MDGA2: variants seen among roughly 807,000 people sequenced by gnomAD.
MDGA2 encodes MAM domain-containing glycosylphosphatidylinositol anchor protein 2.
MDGA2 carries 40 observed loss-of-function variants against 117.8 expected under a neutral mutation model. That is an observed-to-expected ratio of 0.34 (90% CI 0.26 to 0.44). MDGA2 has a LOEUF of 0.44. MDGA2 is among the 20% of genes least tolerant of loss of function. The pLI is 1.00. For synonymous variants in MDGA2, 452 were observed against 439.0 expected (o/e 1.03, Z -0.37); for missense variants, 1,123 against 1,250.6 (o/e 0.90, Z 1.54).
chr14:46,924,710 A>C (rs1432929201), intron 9 of MDGA2, among the ~76,000 whole-genome samples: 1 of 152,120 alleles, frequency 6.6e-6, no homozygotes, highest in Non-Finnish European at 1.5e-5. Context: ...ACAGACAACA[A>C]ATTCTGATAC....
intron 11 of MDGA2, among the ~76,000 whole-genome samples, chr14:46,880,404 A>G (rs1029728644): frequency 1.3e-5 from 2 of 152,092 alleles, no homozygotes; most frequent in Admixed American, 6.6e-5. Flanking sequence ...GATTCATTCA[A>G]ACCTGAAATA....
intron 5 of MDGA2, among the ~76,000 whole-genome samples, chr14:47,130,715 A>T (rs1882160684): frequency 6.6e-6 from 1 of 152,120 alleles, no homozygotes; most frequent in African/African-American, 2.4e-5. Context: ...CAACTTCATG[A>T]GTTTATGAGG....
chr14:47,565,972 C>T (rs538985606), intron 1 of MDGA2, among the ~76,000 whole-genome samples: 11 of 152,304 alleles, frequency 7.2e-5, no homozygotes, highest in South Asian at 2.1e-4. Flanking sequence ...CATGTGTTTG[C>T]GCCAGCAATG....
At chr14:47,119,190 C>CCG (rs1881515148) in intron 5 of MDGA2, among the ~76,000 whole-genome samples, 9 of 74,640 alleles carry the variant, frequency 1.2e-4, no homozygotes, top group African/African-American at 3.7e-4. Flanking sequence ...CCCCCCCCAC[C>CCG]CCGTAGCTGG....
At chr14:47,105,627 C>T (rs1447843562) in intron 5 of MDGA2, among the ~76,000 whole-genome samples, 1 of 151,864 alleles carries the variant, frequency 6.6e-6, no homozygotes, top group Non-Finnish European at 1.5e-5. Flanking sequence ...CCTGCAAAAT[C>T]GAAATAATTC....
At chr14:47,009,827 C>T (rs1361092931) in intron 8 of MDGA2, among the ~76,000 whole-genome samples, 1 of 152,028 alleles carries the variant, frequency 6.6e-6, no homozygotes, top group Non-Finnish European at 1.5e-5. Context: ...TCCCTACACA[C>T]CCCTTGCGTC....
intron 6 of MDGA2, among the ~76,000 whole-genome samples, chr14:47,076,839 A>G (rs1959815): frequency 0.14 from 21,561 of 152,044 alleles, 1,668 homozygotes; most frequent in East Asian, 0.3. Context: ...CATTAGCTTC[A>G]TATGTTTTAT....
intron 2 of MDGA2, among the ~76,000 whole-genome samples, chr14:47,252,692 T>C (rs575485757): frequency 1.3e-5 from 2 of 152,150 alleles, no homozygotes; most frequent in South Asian, 4.2e-4. Flanking sequence ...GATATGAAAA[T>C]GCTAAACAGA....
At chr14:47,660,739 ACCTG>A (rs1312932500) in intron 1 of MDGA2, among the ~76,000 whole-genome samples, 3 of 86,050 alleles carry the variant, frequency 3.5e-5, no homozygotes, top group Non-Finnish European at 8.5e-5. Flanking sequence ...AAAGTAGTAC[ACCTG>A]ACAGTGGTTA....
Position 47,609,428 on chromosome 14 carries a change from CATATATATATATATATATATAT to C in MDGA2, c.280+65067_280+65088del, listed in dbSNP as rs3040345. Among the ~76,000 whole-genome samples, 32 of 17,564 alleles carry C rather than the reference CATATATATATATATATATATAT, an allele frequency of 1.8e-3. 2 individuals are homozygous for C. The highest frequency in any genetic ancestry group is 3.8e-3 in the South Asian group (1 of 264). 11.5% of individuals were successfully genotyped at this position (17,564 alleles called of 152,430 possible). Reference sequence around the variant, plus strand: ...TTTCTATGGCTGAGTAGTATTCCATCATATATATATATATATATATATATATATATATATATAAGTTTCTTTA... The same window carrying C: ...TTTCTATGGCTGAGTAGTATTCCATCATATATATATATATAAGTTTCTTTA... On this transcript the variant is annotated intron_variant, in intron 1 of 16. Transcript: ENST00000399232.
At position 47,674,754 on chromosome 14, in the gene MDGA2, G is replaced by T. The variant is rs756007339; in HGVS notation, c.43C>A (p.Arg15Ser). ...CGTCCGTCTGTCCTTCCCCGGCGGC[G>T]GCGGCGAGCGGAGCGCAGGAGCCCC... ...SAGLLRSARR[R>S]RRGRTDGRRF... Residue 15 changes from arginine to serine, a missense_variant, in exon 1 of 17, where the codon CGC (arginine) becomes AGC (serine). Physicochemically the swap from Arg to Ser is moderately radical, Grantham distance 110. Transcript: ENST00000399232. 1.4e-6 allele frequency: 1 copy of T among 715,798 alleles called. No individual in the cohort carries two copies. The highest frequency in any genetic ancestry group is 2.5e-6 in the Non-Finnish European group (1 of 397,674). 44.3% of individuals were successfully genotyped at this position (715,798 alleles called of 1,614,324 possible).
chr14:47,304,506 G>A (rs1889379630), intron 1 of MDGA2, among the ~76,000 whole-genome samples: 1 of 152,088 alleles, frequency 6.6e-6, no homozygotes, highest in Non-Finnish European at 1.5e-5. Context: ...CCATAAACTA[G>A]ATTAAGAATG....
At chr14:47,017,684 G>A (rs547070923) in intron 8 of MDGA2, among the ~76,000 whole-genome samples, 1 of 151,992 alleles carries the variant, frequency 6.6e-6, no homozygotes, top group African/African-American at 2.4e-5. Context: ...AAAAAAAATT[G>A]CCCTCATTTA....
At chr14:47,674,336 GGCTCGCAGCCCAATCCGCAGCGC>G (rs1463568153) in intron 1 of MDGA2, among the ~76,000 whole-genome samples, 158 bp downstream of exon 1, 1 of 152,218 alleles carries the variant, frequency 6.6e-6, no homozygotes, top group South Asian at 2.1e-4. Context: ...CCGGGGAAGC[GGCTCGCAGCCCAATCCGCAGCGC>G]GCTCGCTGCC....
In MDGA2 at chr14:46,855,552, G is replaced by A. The variant is rs1881236590; in HGVS notation, c.2753-398C>T. ...ATGGCTGGTTTCCAAGATGGAGGAAGGGGCTACAAGGACTACTGGCAGCTT... is the reference window on the plus strand; with the variant it reads ...ATGGCTGGTTTCCAAGATGGAGGAAAGGGCTACAAGGACTACTGGCAGCTT... On this transcript the variant is annotated intron_variant, in intron 14 of 16. Coordinates refer to ENST00000399232, the MANE Select transcript of MDGA2 (RefSeq NM_001113498.3). This position sits in a 1 kb window ranked among gnomAD's most constrained non-coding sequence, Gnocchi z 4.1. Among the ~76,000 whole-genome samples the A allele has an allele frequency of 1.3e-5, 2 of 152,130 alleles. No homozygotes were observed.
chr14:47,314,504 C>T (rs985709341), intron 1 of MDGA2, among the ~76,000 whole-genome samples: 10 of 151,950 alleles, frequency 6.6e-5, no homozygotes, highest in Non-Finnish European at 1.2e-4. Flanking sequence ...ATAGCAGGAC[C>T]TTATCTCGAC....
chr14:47,049,551 C>T (rs900887065), intron 7 of MDGA2, among the ~76,000 whole-genome samples: 3 of 151,118 alleles, frequency 2.0e-5, no homozygotes, highest in Admixed American at 6.6e-5. Flanking sequence ...TTTATAATTT[C>T]GACTTTTATT....
intron 1 of MDGA2, among the ~76,000 whole-genome samples, chr14:47,612,252 A>ATAGATAGC (rs1896864050): frequency 6.6e-6 from 1 of 151,864 alleles, no homozygotes; most frequent in Admixed American, 6.6e-5. Context: ...AGATAGATAG[A>ATAGATAGC]TAGATCTTCT....
At chr14:47,095,041 C>T (rs1244234615) in intron 6 of MDGA2, among the ~76,000 whole-genome samples, 1 of 151,932 alleles carries the variant, frequency 6.6e-6, no homozygotes, top group Non-Finnish European at 1.5e-5. Context: ...AGAACTGTAA[C>T]TCCTTTGAGG....
Sources: gnomAD v4.1 joint callset for allele counts (sites outside exome capture counted in the v4.1 genomes callset) on GRCh38, gnomAD v4.1.1 for gene constraint, Gnocchi (gnomAD v3.1) non-coding constraint, MANE v1.5 for transcripts, NCBI Gene and HGNC (gene_info 2026-07-23, HGNC 2026-07-21) for gene names.